The following PLD5 variants were observed in gnomAD, a reference collection of about 807,000 sequenced individuals.
The protein encoded by PLD5 is phospholipase D family member 5.
In PLD5, 36 loss-of-function variants were observed where a neutral mutation model predicts 61.1. The ratio of observed to expected loss-of-function variants is 0.59; its 90% confidence interval spans 0.45 to 0.78. The LOEUF (loss-of-function observed/expected upper bound fraction) is 0.78. PLD5 is among the 30% of genes least tolerant of loss of function. The pLI, the probability that PLD5 is intolerant of heterozygous loss-of-function variation, is 0.00. For synonymous variants in PLD5, 243 were observed against 242.8 expected, an observed-to-expected ratio of 1.00 and a Z score of -0.01; for missense variants, 515 against 644.4, an observed-to-expected ratio of 0.80 and a Z score of 2.17.
intron 5 of PLD5, among the ~76,000 whole-genome samples, chr1:242,206,371 C>T (rs1353875969): frequency 6.6e-6 from 1 of 152,156 alleles, no homozygotes; most frequent in Non-Finnish European, 1.5e-5. Flanking sequence ...TTCCAGATCT[C>T]ATAGTCATCA....
chr1:242,173,191 G>A (rs316882), intron 5 of PLD5, among the ~76,000 whole-genome samples: 78,053 of 152,010 alleles, frequency 0.51, 20,926 homozygotes, highest in East Asian at 0.74. Context: ...AAGCTGATAA[G>A]CAACTTCAGT....
chr1:242,176,279 C>G (rs1667136198), intron 5 of PLD5, among the ~76,000 whole-genome samples: 1 of 152,142 alleles, frequency 6.6e-6, no homozygotes, highest in African/African-American at 2.4e-5. Flanking sequence ...AGAAATAACA[C>G]CACACATCTA....
chr1:242,394,291 AGTATATATATGAGTATATATGT>A (rs1663226243), intron 1 of PLD5, among the ~76,000 whole-genome samples: 1 of 75,390 alleles, frequency 1.3e-5, no homozygotes, highest in East Asian at 3.9e-4. Context: ...TATATATATG[AGTATATATATGAGTATATATGT>A]GTGTATATAT....
intron 1 of PLD5, among the ~76,000 whole-genome samples, chr1:242,397,333 GT>G (rs1000946499): frequency 3.9e-5 from 5 of 128,718 alleles, no homozygotes; most frequent in Admixed American, 8.7e-5. Flanking sequence ...CTTGACTTCT[GT>G]TTTTTTTCTT....
chr1:242,307,622 C>A (rs1347804700), intron 2 of PLD5, among the ~76,000 whole-genome samples: 1 of 152,162 alleles, frequency 6.6e-6, no homozygotes, highest in Non-Finnish European at 1.5e-5. Context: ...CCCTTGGAAG[C>A]TTCTCTCACA....
intron 5 of PLD5, among the ~76,000 whole-genome samples, chr1:242,137,328 T>C (rs934131302): frequency 7.2e-5 from 11 of 152,212 alleles, no homozygotes; most frequent in African/African-American, 2.7e-4. Flanking sequence ...GCTCTTCTCT[T>C]GCTGGCCTGC....
intron 5 of PLD5, among the ~76,000 whole-genome samples, chr1:242,180,320 C>T (rs316868): frequency 0.13 from 19,665 of 152,048 alleles, 1,912 homozygotes; most frequent in East Asian, 0.49. Flanking sequence ...GCTTTTATTA[C>T]ATACTGACCA....
At chr1:242,424,954 A>G (rs1057147264) in intron 1 of PLD5, among the ~76,000 whole-genome samples, 2 of 152,194 alleles carry the variant, frequency 1.3e-5, no homozygotes, top group African/African-American at 4.8e-5. Context: ...CAAGATGGTG[A>G]AACCTCGTCT....
chr1:242,217,700 T>TA (rs1670304338), intron 5 of PLD5, among the ~76,000 whole-genome samples: 1 of 152,206 alleles, frequency 6.6e-6, no homozygotes, highest in Non-Finnish European at 1.5e-5. Flanking sequence ...GAGTAGATTC[T>TA]AACCCTCATG....
intron 1 of PLD5, among the ~76,000 whole-genome samples, chr1:242,455,813 A>C (rs1666926501): frequency 6.6e-6 from 1 of 152,210 alleles, no homozygotes; most frequent in African/African-American, 2.4e-5. Context: ...AAGAGATCTG[A>C]TCAACAGAAG....
chr1:242,376,735 G>A (rs749797337), intron 1 of PLD5, among the ~76,000 whole-genome samples: 12 of 152,108 alleles, frequency 7.9e-5, no homozygotes, highest in Middle Eastern at 3.2e-3. Flanking sequence ...TCTTTTAAAC[G>A]CAAATACTGT....
At chr1:242,280,557 A>T (rs1674666219) in intron 3 of PLD5, among the ~76,000 whole-genome samples, 1 of 152,186 alleles carries the variant, frequency 6.6e-6, no homozygotes, top group Non-Finnish European at 1.5e-5. Flanking sequence ...AACAAAAATG[A>T]AATGTGTGTT....
chr1:242,287,419 T>C (rs1283159389), intron 3 of PLD5, among the ~76,000 whole-genome samples: 3 of 152,240 alleles, frequency 2.0e-5, no homozygotes, highest in Non-Finnish European at 2.9e-5. Flanking sequence ...GATGGAAAAG[T>C]GTAGAACACA....
chr1:242,454,717 T>G (rs943894788), intron 1 of PLD5, among the ~76,000 whole-genome samples: 1 of 152,246 alleles, frequency 6.6e-6, no homozygotes, highest in Admixed American at 6.5e-5. Context: ...AAAATGTGAG[T>G]GCCCTTAAGT....
At chr1:242,330,059 T>C (rs1659076908) in intron 2 of PLD5, among the ~76,000 whole-genome samples, 2 of 152,146 alleles carry the variant, frequency 1.3e-5, no homozygotes, top group African/African-American at 4.8e-5. Context: ...GGCAAACCCA[T>C]TGAAATTATG....
At chr1:242,402,045 T>C (rs576768712) in intron 1 of PLD5, among the ~76,000 whole-genome samples, 1 of 152,344 alleles carries the variant, frequency 6.6e-6, no homozygotes, top group Admixed American at 6.5e-5. Flanking sequence ...ACCATGCTTC[T>C]GTTCTTCCAA....
At position 242,089,453 on chromosome 1, in the gene PLD5, A is replaced by G. The variant is rs1416625739; in HGVS notation, c.*401T>C. 4.7e-6 allele frequency: 2 copies of G among 428,904 alleles called. No individual in the cohort carries two copies. Among genetic ancestry groups the G allele is most frequent in the Non-Finnish European group, 8.2e-6 (2 of 244,186 alleles). 26.6% of individuals were successfully genotyped at this position (428,904 alleles called of 1,614,324 possible). ...TTTTATCAGTCTCTTCTCCAAGGCAAAATCCTCACCTTCCTCTCTAAATCA... is the reference window on the plus strand; with the variant it reads ...TTTTATCAGTCTCTTCTCCAAGGCAGAATCCTCACCTTCCTCTCTAAATCA... On this transcript the variant is annotated 3_prime_UTR_variant, in exon 10 of 10. Coordinates refer to ENST00000536534, the MANE Select transcript of PLD5 (RefSeq NM_001372062.1).
At chr1:242,311,614 TC>T (rs774040585) in intron 2 of PLD5, among the ~76,000 whole-genome samples, 5 of 152,236 alleles carry the variant, frequency 3.3e-5, no homozygotes, top group Non-Finnish European at 5.9e-5. Flanking sequence ...TTATTGAGGA[TC>T]CTTTGTACGT....
At chr1:242,459,850 A>G (rs1488183800) in intron 1 of PLD5, among the ~76,000 whole-genome samples, 2 of 152,126 alleles carry the variant, frequency 1.3e-5, no homozygotes, top group Non-Finnish European at 2.9e-5. Context: ...AAAGGGATGC[A>G]TGGGGGGCGC....
Sources: gnomAD v4.1 joint callset for allele counts (sites outside exome capture counted in the v4.1 genomes callset) on GRCh38, gnomAD v4.1.1 for gene constraint, MANE v1.5 for transcripts, NCBI Gene and HGNC (gene_info 2026-07-23, HGNC 2026-07-21) for gene names.